The following ATP5F1A variants were observed in gnomAD, a reference collection of about 807,000 sequenced individuals.
ATP5F1A encodes ATP synthase F(1) complex subunit alpha, mitochondrial.
In ATP5F1A, 24 loss-of-function variants were observed where a neutral mutation model predicts 57.4. The observed-to-expected ratio is 0.42, with a 90% CI of 0.30 to 0.59. The LOEUF is 0.59. ATP5F1A is among the 20% of genes least tolerant of loss of function. The probability of loss-of-function intolerance (pLI) is 0.19; values close to 1 mark genes in which losing one functional copy is unlikely to be tolerated. For synonymous variants in ATP5F1A, 251 were observed against 255.5 expected (o/e 0.98, Z 0.17); for missense variants, 494 against 707.9 (o/e 0.70, Z 3.43).
At chr18:46,098,303 C>A, upstream of ATP5F1A, 2 of 1,526,968 alleles carry the variant, frequency 1.3e-6, no homozygotes, top group African/African-American at 1.4e-5. Context: ...AATGGCCGAG[C>A]CGCAAAGAAG....
chr18:46,085,941 A>G, intron 10 of ATP5F1A, 172 bp downstream of exon 10: 1 of 816,802 alleles, frequency 1.2e-6, no homozygotes, highest in South Asian at 2.2e-5. Context: ...CTCAAAAAAA[A>G]AAAAAAATCA....
chr18:46,089,162 C>G (rs1892977452), intron 5 of ATP5F1A, among the ~76,000 whole-genome samples: 1 of 152,002 alleles, frequency 6.6e-6, no homozygotes, highest in African/African-American at 2.4e-5. Flanking sequence ...CGGCATGGGT[C>G]CTCCATATGC....
intron 2 of ATP5F1A, among the ~76,000 whole-genome samples, chr18:46,094,515 A>C (rs1910803186): frequency 6.6e-6 from 1 of 152,066 alleles, no homozygotes; most frequent in South Asian, 2.1e-4. Context: ...AAAATACAAA[A>C]AATTAGCCGG....
chr18:46,082,716 A>G lies in ATP5F1A; in HGVS notation c.*1566T>C, dbSNP rs1287960836. 1 of 152,128 alleles carries G rather than the reference A, an allele frequency of 6.6e-6. No individual in the cohort carries two copies. Among genetic ancestry groups the G allele is most frequent in the African/African-American group, 2.4e-5 (1 of 41,410 alleles). 9.4% of individuals were successfully genotyped at this position (152,128 alleles called of 1,614,324 possible). On this transcript the variant is annotated 3_prime_UTR_variant, in exon 12 of 12. Coordinates refer to ENST00000398752, the MANE Select transcript of ATP5F1A (RefSeq NM_004046.6). Reference sequence around the variant, plus strand: ...AACTAAGTAAAAAAAAAGGTAACACATTAAGAATGAGCAAAGGCTATGAAA... The same window carrying G: ...AACTAAGTAAAAAAAAAGGTAACACGTTAAGAATGAGCAAAGGCTATGAAA...
chr18:46,102,904 C>T (rs2144234870), upstream of ATP5F1A, among the ~76,000 whole-genome samples: 1 of 152,200 alleles, frequency 6.6e-6, no homozygotes, highest in Admixed American at 6.5e-5. Context: ...ACTGTGATCA[C>T]CACTATACTC....
rs768351976 is a variant in ATP5F1A at position 46,088,247 on chromosome 18, T to C, written c.661A>G (p.Ile221Val). The change falls in exon 6 of 12, where the codon ATT becomes GTT. Residue 221 changes from isoleucine (I) to valine (V), a missense_variant. Coordinates refer to ENST00000398752, the MANE Select transcript of ATP5F1A (RefSeq NM_004046.6). ...IGDRQTGKTS[I>V]AIDTIINQKR... ...TGGTTAATGATTGTGTCAATAGCAA[T>C]TGAGGTTTTCCTTTAAAAAGAGAAA... The C allele has an allele frequency of 1.0e-5, 16 of 1,578,384 alleles. No homozygotes were observed. The highest frequency in any genetic ancestry group is 2.8e-5 in the African/African-American group (2 of 72,456).
intron 8 of ATP5F1A, 73 bp from the exon 9 acceptor site, chr18:46,086,567 A>G: frequency 1.4e-6 from 2 of 1,425,242 alleles, no homozygotes; most frequent in Non-Finnish European, 1.9e-6. Flanking sequence ...TTAAGTCATT[A>G]TGCCAAAAAG....
chr18:46,097,709 T>C lies in ATP5F1A; in HGVS notation c.60+463A>G, dbSNP rs572863567. 8.6e-5 allele frequency: 52 copies of C among 602,578 alleles called. 1 individual carries two copies. The highest frequency in any genetic ancestry group is 9.8e-5 in the Non-Finnish European group (47 of 478,384). 37.3% of individuals were successfully genotyped at this position (602,578 alleles called of 1,614,324 possible). A position where few individuals can be genotyped will look rare whatever the true frequency, so the allele number is the denominator to read the frequency against. ...CTCTAAACTGAGCTCCAGGCAGAGG[T>C]GAAATGCTGGGCCTGCTGACCTTCA... On this transcript the variant is annotated intron_variant, in intron 1 of 11. Transcript: ENST00000398752.
At chr18:46,088,325 G>C in intron 5 of ATP5F1A, 68 bp from the exon 6 acceptor site, 1 of 1,379,678 alleles carries the variant, frequency 7.2e-7, no homozygotes, top group Non-Finnish European at 9.9e-7. Flanking sequence ...GGGAAAGAAA[G>C]AGAGATCAGA....
intron 6 of ATP5F1A, 194 bp downstream of exon 6, chr18:46,087,915 G>A: frequency 1.7e-6 from 1 of 594,612 alleles, no homozygotes. Context: ...GAATCAAACA[G>A]CTTCCACTTT....
upstream of ATP5F1A, among the ~76,000 whole-genome samples, chr18:46,102,596 A>C (rs953850521): frequency 1.3e-5 from 2 of 152,048 alleles, no homozygotes; most frequent in Non-Finnish European, 2.9e-5. Context: ...AGTGCTGAGA[A>C]TATAGGTGTG....
At chr18:46,095,911 C>T (rs71364517) in intron 1 of ATP5F1A, among the ~76,000 whole-genome samples, 8 of 151,346 alleles carry the variant, frequency 5.3e-5, no homozygotes, top group South Asian at 4.1e-4. Context: ...CCTTCTGAGA[C>T]GGAGTCTCAT....
chr18:46,097,710 G>T, intron 1 of ATP5F1A: 1 of 622,154 alleles, frequency 1.6e-6, no homozygotes, highest in Non-Finnish European at 2.0e-6. Context: ...AGGCAGAGGT[G>T]AAATGCTGGG....
Position 46,082,994 on chromosome 18 carries a change from G to A in ATP5F1A, c.*1288C>T, listed in dbSNP as rs554700584. On this transcript the variant is annotated 3_prime_UTR_variant, in exon 12 of 12. Transcript: ENST00000398752. The stretch of plus-strand genomic sequence containing the variant: ...GAACCCAGGAGGTGAAAGGTGCAGT[G>A]AGCTGAGATTACGCCACTGCTCTCC... 6.6e-6 allele frequency: 1 copy of A among 152,306 alleles called. No homozygotes were observed. Among genetic ancestry groups the A allele is most frequent in the East Asian group, 1.9e-4 (1 of 5,178 alleles). 9.4% of individuals were successfully genotyped at this position (152,306 alleles called of 1,614,324 possible).
Position 46,098,074 on chromosome 18 carries a change from A to G in ATP5F1A, c.60+98T>C, listed in dbSNP as rs1034794976. ...CGGGTGCAAGATGGCGGCATTCGCCACAGCCCCTCGCCCTCCTGCAGAGAG... is the reference window on the plus strand; with the variant it reads ...CGGGTGCAAGATGGCGGCATTCGCCGCAGCCCCTCGCCCTCCTGCAGAGAG... On this transcript the variant is annotated intron_variant, in intron 1 of 11. Transcript: ENST00000398752. 4 of 1,456,970 alleles carry G rather than the reference A, an allele frequency of 2.7e-6. No homozygotes were observed. The African/African-American group carries it at 4.3e-5, about 16-fold the overall frequency. 90.3% of individuals were successfully genotyped at this position (1,456,970 alleles called of 1,614,324 possible).
chr18:46,086,876 A>T, intron 8 of ATP5F1A, 132 bp downstream of exon 8: 1 of 980,558 alleles, frequency 1.0e-6, no homozygotes, highest in Non-Finnish European at 1.5e-6. Context: ...TAACTTTTCT[A>T]TGTATTTGAA....
rs1910413711 is a variant in ATP5F1A, at chr18:46,089,747, AAAG to A, written c.484-18_484-16del. 4.3e-6 allele frequency: 7 copies of A among 1,613,230 alleles called. No homozygotes were observed. Among genetic ancestry groups the A allele is most frequent in the Non-Finnish European group, 5.9e-6 (7 of 1,179,772 alleles). ...CCAATTGGACCCTGTTAAAAAATAA[AAAG>A]AAAAACCCTAAGCATAATCAGTTTT... On this transcript the variant is annotated splice_polypyrimidine_tract_variant and intron_variant, in intron 4 of 11. Coordinates refer to ENST00000398752, the MANE Select transcript of ATP5F1A (RefSeq NM_004046.6).
rs1412497736 is a variant in ATP5F1A at position 46,083,686 on chromosome 18, C to T, written c.*596G>A. The T allele has an allele frequency of 2.0e-5, 3 of 151,984 alleles. No individual in the cohort carries two copies. Among genetic ancestry groups the T allele is most frequent in the Non-Finnish European group, 2.9e-5 (2 of 68,054 alleles). The allele number at this position is 151,984 out of a possible 1,614,324, so 9.4% of individuals were successfully genotyped here. A position where few individuals can be genotyped will look rare whatever the true frequency, so the allele number is the denominator to read the frequency against. Reference sequence around the variant, plus strand: ...TCTTAAACACAAAGTACTCTAGAAACTTACAAAGAGCAGCCGGGTGCGGTG... The same window carrying T: ...TCTTAAACACAAAGTACTCTAGAAATTTACAAAGAGCAGCCGGGTGCGGTG... On this transcript the variant is annotated 3_prime_UTR_variant, in exon 12 of 12. Coordinates refer to ENST00000398752, the MANE Select transcript of ATP5F1A (RefSeq NM_004046.6).
rs1287353657 is a variant in ATP5F1A at position 46,081,705 on chromosome 18, T to G, written c.*2577A>C. 1 of 141,796 alleles carries G rather than the reference T, an allele frequency of 7.1e-6. No homozygotes were observed. Among genetic ancestry groups the G allele is most frequent in the East Asian group, 2.0e-4 (1 of 4,886 alleles). 8.8% of individuals were successfully genotyped at this position (141,796 alleles called of 1,614,324 possible). A position where few individuals can be genotyped will look rare whatever the true frequency, so the allele number is the denominator to read the frequency against. ...AAAAAAAAAAAAAAAAAACGAAATG[T>G]GCAGAACCTTCTAACTAAAAGTAAC... On this transcript the variant is annotated 3_prime_UTR_variant, in exon 12 of 12. Transcript: ENST00000398752.
Sources: allele counts gnomAD v4.1 joint callset (sites outside exome capture counted in the v4.1 genomes callset), GRCh38; gene constraint gnomAD v4.1.1; transcripts MANE v1.5; gene names NCBI Gene and HGNC (gene_info 2026-07-23, HGNC 2026-07-21).